The following KCNH7 variants were observed in gnomAD, a reference collection of about 807,000 sequenced individuals.
The protein encoded by KCNH7 is potassium voltage-gated channel subfamily H member 7.
KCNH7 carries 49 observed loss-of-function variants against 120.8 expected under a neutral mutation model. That is an observed-to-expected ratio of 0.41 (90% CI 0.32 to 0.51). KCNH7 has a LOEUF of 0.51. KCNH7 is among the 20% of genes least tolerant of loss of function. KCNH7 has a pLI of 0.38. For synonymous variants in KCNH7, 547 were observed against 516.1 expected, an observed-to-expected ratio of 1.06 and a Z score of -0.81; for missense variants, 1,097 against 1,446.6, an observed-to-expected ratio of 0.76 and a Z score of 3.92.
In KCNH7 at chr2:162,663,324, C is replaced by T. The variant is rs529034779; in HGVS notation, c.308-126244G>A. The stretch of plus-strand genomic sequence containing the variant: ...TCTTGTGTTTGAGAAAAAAATTTTA[C>T]ATTTGCAGAAATTTTTCTTGTTATG... On this transcript the variant is annotated intron_variant, in intron 2 of 15. Transcript: ENST00000332142. 7.9e-4 allele frequency among the ~76,000 whole-genome samples: 121 copies of T among 152,268 alleles called. 1 individual carries two copies. The highest frequency in any genetic ancestry group is 3.4e-3 in the Middle Eastern group (1 of 294).
At chr2:162,600,515 G>A (rs1477264972) in intron 2 of KCNH7, among the ~76,000 whole-genome samples, 1 of 152,010 alleles carries the variant, frequency 6.6e-6, no homozygotes, top group African/African-American at 2.4e-5. Context: ...TTATCTTGTT[G>A]GTATGAAAAG....
At chr2:162,611,320 G>C (rs1682955462) in intron 2 of KCNH7, among the ~76,000 whole-genome samples, 1 of 152,092 alleles carries the variant, frequency 6.6e-6, no homozygotes, top group African/African-American at 2.4e-5. Context: ...GGACAAGCAG[G>C]AATGAGGTGA....
chr2:162,604,918 A>T (rs1694680586), intron 2 of KCNH7, among the ~76,000 whole-genome samples: 1 of 152,158 alleles, frequency 6.6e-6, no homozygotes, highest in African/African-American at 2.4e-5. Flanking sequence ...TTTTTAGTAT[A>T]CAAAAGTGAG....
At chr2:162,513,554 T>C (rs1691186959) in intron 4 of KCNH7, among the ~76,000 whole-genome samples, 1 of 150,004 alleles carries the variant, frequency 6.7e-6, no homozygotes. Flanking sequence ...TCTGGCTATA[T>C]CTCTCTGGAT....
intron 2 of KCNH7, among the ~76,000 whole-genome samples, chr2:162,620,155 T>TAC (rs1683296050): frequency 6.7e-6 from 1 of 149,670 alleles, no homozygotes; most frequent in Non-Finnish European, 1.5e-5. Context: ...AATATAGATA[T>TAC]ATATATAGAG....
At chr2:162,482,517 G>A (rs1214650328) in intron 6 of KCNH7, among the ~76,000 whole-genome samples, 1 of 152,070 alleles carries the variant, frequency 6.6e-6, no homozygotes, top group African/African-American at 2.4e-5. Flanking sequence ...GTGGGTGATA[G>A]TGCAATAAAA....
chr2:162,828,977 G>C (rs1573939614), intron 2 of KCNH7, among the ~76,000 whole-genome samples: 2 of 152,202 alleles, frequency 1.3e-5, no homozygotes, highest in Non-Finnish European at 2.9e-5. Flanking sequence ...AAAAGTCATA[G>C]AAGACGCCTC....
intron 2 of KCNH7, among the ~76,000 whole-genome samples, chr2:162,760,186 C>T (rs1010196423): frequency 4.6e-5 from 7 of 151,960 alleles, no homozygotes; most frequent in East Asian, 1.9e-4. Flanking sequence ...GGAAATCTAA[C>T]GCAGGGGATT....
chr2:162,732,390 T>A (rs899409666), intron 2 of KCNH7, among the ~76,000 whole-genome samples: 1 of 152,178 alleles, frequency 6.6e-6, no homozygotes, highest in Non-Finnish European at 1.5e-5. Context: ...TATATAGATA[T>A]CTTATTCTTT....
intron 2 of KCNH7, among the ~76,000 whole-genome samples, chr2:162,555,132 G>T (rs1032414133): frequency 6.6e-6 from 1 of 152,194 alleles, no homozygotes; most frequent in Non-Finnish European, 1.5e-5. Flanking sequence ...GCTGAAAGGT[G>T]GTGGCTAGCA....
intron 2 of KCNH7, among the ~76,000 whole-genome samples, chr2:162,670,489 A>AAAAG (rs1574246276): frequency 6.6e-6 from 1 of 151,084 alleles, no homozygotes; most frequent in Non-Finnish European, 1.5e-5. Context: ...AAAAAAAAAA[A>AAAAG]AAAGAAAAAT....
intron 2 of KCNH7, among the ~76,000 whole-genome samples, chr2:162,569,285 C>A (rs1231104482): frequency 2.6e-5 from 4 of 151,830 alleles, no homozygotes; most frequent in East Asian, 3.9e-4. Context: ...GGAATTTATC[C>A]ATTTCTTCTA....
At chr2:162,600,216 A>C (rs1391734470) in intron 2 of KCNH7, among the ~76,000 whole-genome samples, 1 of 152,002 alleles carries the variant, frequency 6.6e-6, no homozygotes, top group Non-Finnish European at 1.5e-5. Flanking sequence ...GGTGTACACT[A>C]TGTTATTTTT....
chr2:162,400,300 C>A lies in KCNH7; in HGVS notation c.2296G>T (p.Ala766Ser). ...ALAMKFKTTH[A>S]PPGDTLVHCG... ...TGAACGAGGGTGTCTCCTGGAGGTG[C>A]ATGGGTGGTTTTGAACTTCATTGCC... Residue 766 changes from alanine to serine, a missense_variant, in exon 10 of 16, where the codon GCA becomes TCA. This residue lies in a region of KCNH7 where 101 missense variants were observed against 176.3 expected (regional missense o/e 0.57). Coordinates refer to ENST00000332142, the MANE Select transcript of KCNH7 (RefSeq NM_033272.4). The A allele has an allele frequency of 3.7e-6, 6 of 1,612,508 alleles. No homozygotes were observed. Among genetic ancestry groups the A allele is most frequent in the Non-Finnish European group, 4.2e-6 (5 of 1,179,040 alleles).
chr2:162,434,499 G>A lies in KCNH7; in HGVS notation c.1954+699C>T, dbSNP rs571844144. ...CAGCAAGTTCACCTTCAGTGGCTCC[G>A]CAGCGTTATTAAAAAATACATGTTA... On this transcript the variant is annotated intron_variant, in intron 8 of 15. Transcript: ENST00000332142. Among the ~76,000 whole-genome samples the A allele has an allele frequency of 3.7e-4, 57 of 152,044 alleles. No individual in the cohort carries two copies. The South Asian group carries it at 5.6e-3, about 15-fold the overall frequency.
chr2:162,770,087 C>A (rs1682986918), intron 2 of KCNH7, among the ~76,000 whole-genome samples: 1 of 151,974 alleles, frequency 6.6e-6, no homozygotes, highest in South Asian at 2.1e-4. Flanking sequence ...AATTTGGAAA[C>A]TGCAGCTATT....
At chr2:162,637,969 T>C (rs1272718423) in intron 2 of KCNH7, among the ~76,000 whole-genome samples, 1 of 152,062 alleles carries the variant, frequency 6.6e-6, no homozygotes, top group Non-Finnish European at 1.5e-5. Context: ...GAATTCAGAA[T>C]CAATGGCAAG....
intron 6 of KCNH7, among the ~76,000 whole-genome samples, chr2:162,500,244 C>T (rs983896891): frequency 6.8e-6 from 1 of 146,276 alleles, no homozygotes; most frequent in Non-Finnish European, 1.5e-5. Context: ...GTTACATATA[C>T]ACATACTATG....
chr2:162,752,955 A>ACCCCTGACT (rs1688634159), intron 2 of KCNH7, among the ~76,000 whole-genome samples: 5 of 114,444 alleles, frequency 4.4e-5, no homozygotes, highest in African/African-American at 2.5e-4. Flanking sequence ...AAAGAAAAGA[A>ACCCCTGACT]AAGAAAAGAA....
Sources: allele counts gnomAD v4.1 joint callset (sites outside exome capture counted in the v4.1 genomes callset), GRCh38; gene constraint gnomAD v4.1.1; regional missense constraint gnomAD v4.1.1; transcripts MANE v1.5; gene names NCBI Gene and HGNC (gene_info 2026-07-23, HGNC 2026-07-21).